Variants in APOBEC1 observed in about 807,000 individuals in gnomAD.
The protein encoded by APOBEC1 is C->U-editing enzyme APOBEC-1.
A neutral mutation model predicts 26.3 loss-of-function variants in APOBEC1; 22 were observed. That is an observed-to-expected ratio of 0.84 (90% confidence interval 0.60 to 1.19). The LOEUF is 1.19. APOBEC1 is among the 50% of genes most tolerant of loss of function. APOBEC1 has a pLI of 0.00. For missense variants in APOBEC1, 253 were observed against 289.0 expected, an observed-to-expected ratio of 0.88 and a Z score of 0.90; for synonymous variants, 77 against 95.3, an observed-to-expected ratio of 0.81 and a Z score of 1.12.
chr12:7,669,622 T>G (rs1189026161), upstream of APOBEC1, among the ~76,000 whole-genome samples: 1 of 152,126 alleles, frequency 6.6e-6, no homozygotes. Flanking sequence ...CCCAAGTTGG[T>G]CTTGAACTCC....
At chr12:7,654,214 C>A (rs1036998044) in intron 2 of APOBEC1, among the ~76,000 whole-genome samples, 1 of 151,364 alleles carries the variant, frequency 6.6e-6, no homozygotes, top group Non-Finnish European at 1.5e-5. Context: ...GATAAGCAAG[C>A]TAGAAAATCA....
chr12:7,663,986 A>G (rs765122524), intron 1 of APOBEC1, among the ~76,000 whole-genome samples: 1 of 151,866 alleles, frequency 6.6e-6, no homozygotes, highest in Non-Finnish European at 1.5e-5. Context: ...CCTCCCAAGT[A>G]GCGGGATTAC....
intron 1 of APOBEC1, among the ~76,000 whole-genome samples, chr12:7,659,048 A>C (rs1440135776): frequency 6.7e-6 from 1 of 149,210 alleles, no homozygotes; most frequent in Non-Finnish European, 1.5e-5. Flanking sequence ...TAATCCCAGC[A>C]CTTTGGGAGG....
intron 1 of APOBEC1, among the ~76,000 whole-genome samples, chr12:7,660,374 AGG>A (rs1491375344): frequency 1.5e-4 from 15 of 103,294 alleles, no homozygotes; most frequent in African/African-American, 5.9e-4. Context: ...GAAGGAAGGA[AGG>A]AAAGAAAGAA....
chr12:7,653,007 A>G (rs1181817491), intron 2 of APOBEC1, among the ~76,000 whole-genome samples, 172 bp from the exon 3 acceptor site: 1 of 151,716 alleles, frequency 6.6e-6, no homozygotes, highest in African/African-American at 2.4e-5. Flanking sequence ...TCAGCTCACC[A>G]CAACCTCCAC....
In APOBEC1 at chr12:7,660,378, A is replaced by AGGAAGGAAGGAAGGAAGGAAGGAC. The variant is rs1257234032; in HGVS notation, c.16+5478_16+5479insGTCCTTCCTTCCTTCCTTCCTTCC. Among the ~76,000 whole-genome samples the AGGAAGGAAGGAAGGAAGGAAGGAC allele has an allele frequency of 7.2e-4, 73 of 100,810 alleles. 2 individuals carry two copies. The highest frequency in any genetic ancestry group is 1.2e-3 in the Admixed American group (13 of 10,444). 66.1% of individuals were successfully genotyped at this position (100,810 alleles called of 152,430 possible). A position where few individuals can be genotyped will look rare whatever the true frequency, so the allele number is the denominator to read the frequency against. The stretch of plus-strand genomic sequence containing the variant: ...AAGGAAGGAAGGAAGGAAGGAAGGA[A>AGGAAGGAAGGAAGGAAGGAAGGAC]AGAAAGAAAGAAAGAAAGAAAGAAA... On this transcript the variant is annotated intron_variant, in intron 1 of 4. Transcript: ENST00000229304.
At chr12:7,659,250 C>T (rs1375372593) in intron 1 of APOBEC1, among the ~76,000 whole-genome samples, 38 of 119,436 alleles carry the variant, frequency 3.2e-4, no homozygotes, top group Non-Finnish European at 4.4e-4. Flanking sequence ...GCCGAGATCG[C>T]GCCATTGCAC....
chr12:7,649,742 A>T, intron 4 of APOBEC1, 46 bp from the exon 5 acceptor site: 1 of 1,301,472 alleles, frequency 7.7e-7, no homozygotes, highest in African/African-American at 1.5e-5. Flanking sequence ...TGAATATTTT[A>T]ATTAATAATA....
rs1013608998 is a variant in APOBEC1, at chr12:7,651,266, C to T, written c.443-125G>A. 16 of 676,922 alleles carry T rather than the reference C, an allele frequency of 2.4e-5. No homozygotes were observed. In the Admixed American group the frequency reaches 2.9e-4, roughly 12 times the overall value. 41.9% of individuals were successfully genotyped at this position (676,922 alleles called of 1,614,324 possible). On this transcript the variant is annotated intron_variant, in intron 3 of 4. Coordinates refer to ENST00000229304, the MANE Select transcript of APOBEC1 (RefSeq NM_001644.5). ...AGTCTAGTTGCTGCTGGACATTAGA[C>T]CCCCTAAAAAGAATAAAGCAGTTCA...
intron 4 of APOBEC1, 23 bp from the exon 5 acceptor site, chr12:7,649,719 T>A: frequency 1.3e-5 from 19 of 1,501,918 alleles, no homozygotes; most frequent in Non-Finnish European, 1.6e-5. Context: ...AGGATTATAT[T>A]TAATCCTTAG....
intron 2 of APOBEC1, among the ~76,000 whole-genome samples, chr12:7,654,366 C>T (rs1000408388): frequency 2.6e-5 from 3 of 116,806 alleles, no homozygotes; most frequent in African/African-American, 6.4e-5. Flanking sequence ...GCTATATCCA[C>T]AGTTCCTTTT....
chr12:7,662,102 A>C (rs960155292), intron 1 of APOBEC1, among the ~76,000 whole-genome samples: 2 of 7,084 alleles, frequency 2.8e-4, no homozygotes, highest in African/African-American at 4.5e-4. Flanking sequence ...AAACAAAACC[A>C]AACCTTTTTT....
chr12:7,653,958 A>C (rs1238453444), intron 2 of APOBEC1, among the ~76,000 whole-genome samples: 1 of 152,212 alleles, frequency 6.6e-6, no homozygotes, highest in Non-Finnish European at 1.5e-5. Flanking sequence ...TCACAAGCTT[A>C]TTACATCCTA....
intron 1 of APOBEC1, 74 bp downstream of exon 1, chr12:7,665,783 A>G (rs1315228051): frequency 2.1e-4 from 267 of 1,277,002 alleles, no homozygotes; most frequent in Admixed American, 3.9e-4. Context: ...ACACACACAC[A>G]CACACACACA....
In APOBEC1 at chr12:7,658,958, GAA is replaced by G. The variant is rs35834174; in HGVS notation, c.17-4328_17-4327del. On this transcript the variant is annotated intron_variant, in intron 1 of 4. Transcript: ENST00000229304. The stretch of plus-strand genomic sequence containing the variant: ...ACGAGAGCAAAACTCCATGTCAAAA[GAA>G]AAAAAAAAAAAGCACTTCCACCAAA... Among the ~76,000 whole-genome samples the G allele has an allele frequency of 1.5e-3, 191 of 129,044 alleles. 4 individuals carry two copies. Among genetic ancestry groups the G allele is most frequent in the African/African-American group, 5.4e-3 (179 of 33,092 alleles). The allele number at this position is 129,044 out of a possible 152,430, so 84.7% of individuals were successfully genotyped here. A position where few individuals can be genotyped will look rare whatever the true frequency, so the allele number is the denominator to read the frequency against.
intron 4 of APOBEC1, 111 bp from the exon 5 acceptor site, chr12:7,649,807 CT>C (rs972507526): frequency 0.12 from 79,270 of 649,092 alleles, 5 homozygotes; most frequent in South Asian, 0.19. Flanking sequence ...ACTATTTCTT[CT>C]TTTTTTTTTT....
At chr12:7,650,241 C>T (rs1205765564) in intron 4 of APOBEC1, among the ~76,000 whole-genome samples, 1 of 152,028 alleles carries the variant, frequency 6.6e-6, no homozygotes, top group Non-Finnish European at 1.5e-5. Context: ...GTAACAAGAA[C>T]AATAATAATG....
chr12:7,665,975 G>T, upstream of APOBEC1: 2 of 1,227,176 alleles, frequency 1.6e-6, no homozygotes, highest in Non-Finnish European at 2.4e-6. Flanking sequence ...CTTGGGCAGA[G>T]GATGACTCAT....
chr12:7,653,222 GC>G (rs1315150729), intron 2 of APOBEC1, among the ~76,000 whole-genome samples: 1 of 151,706 alleles, frequency 6.6e-6, no homozygotes, highest in Non-Finnish European at 1.5e-5. Context: ...GAGCCACCAC[GC>G]CCAGCCTCTG....
Sources: gnomAD v4.1 joint callset for allele counts (sites outside exome capture counted in the v4.1 genomes callset) on GRCh38, gnomAD v4.1.1 for gene constraint, MANE v1.5 for transcripts, NCBI Gene and HGNC (gene_info 2026-07-23, HGNC 2026-07-21) for gene names.